The following COLEC10 variants were observed in gnomAD, a reference collection of about 807,000 sequenced individuals.
COLEC10 encodes the protein collectin-10.
COLEC10 carries 22 observed loss-of-function variants against 28.4 expected under a neutral mutation model. The observed-to-expected ratio is 0.78, with a 90% CI of 0.55 to 1.11. The LOEUF is 1.11. Among genes scored for constraint, COLEC10 ranks in the 50% least tolerant of loss-of-function variants. COLEC10 has a pLI of 0.00. For synonymous variants in COLEC10, 125 were observed against 116.1 expected, an observed-to-expected ratio of 1.08 and a Z score of -0.49; for missense variants, 361 against 344.1, an observed-to-expected ratio of 1.05 and a Z score of -0.39.
chr8:119,091,310 G>A (rs1309437581), intron 3 of COLEC10, 90 bp downstream of exon 3: 1 of 918,380 alleles, frequency 1.1e-6, no homozygotes, highest in African/African-American at 1.7e-5. Context: ...AACACTCAGA[G>A]ACCGAGGTGG....
At chr8:118,973,184 C>T in the COLEC10 span, among the ~76,000 whole-genome samples, 1 of 151,994 alleles carries the variant, frequency 6.6e-6, no homozygotes, top group Non-Finnish European at 1.5e-5. Flanking sequence ...CCTAACTGTT[C>T]TCTCAGCTTC....
intron 2 of COLEC10, among the ~76,000 whole-genome samples, chr8:119,031,536 GAA>G (rs1814287882): frequency 1.3e-5 from 2 of 152,208 alleles, no homozygotes; most frequent in Non-Finnish European, 2.9e-5. Context: ...ATAGTGTCAT[GAA>G]AACAGAATTG....
intron 2 of COLEC10, among the ~76,000 whole-genome samples, chr8:119,061,749 C>T (rs80039018): frequency 0.028 from 4,301 of 151,376 alleles, 134 homozygotes; most frequent in East Asian, 0.18. Flanking sequence ...AAGGATGAAA[C>T]CAAGAAAAAA....
At chr8:119,104,909 A>T (rs1815907546) in intron 5 of COLEC10, among the ~76,000 whole-genome samples, 1 of 152,156 alleles carries the variant, frequency 6.6e-6, no homozygotes, top group Non-Finnish European at 1.5e-5. Context: ...TATGGATCCT[A>T]AAATGCCTAT....
chr8:119,065,073 C>T (rs780269603), upstream of COLEC10, among the ~76,000 whole-genome samples: 1 of 152,130 alleles, frequency 6.6e-6, no homozygotes, highest in African/African-American at 2.4e-5. Flanking sequence ...GTGTTCCTCC[C>T]ACCTCAAAAT....
At chr8:119,028,367 A>G (rs1407272017) in intron 2 of COLEC10, among the ~76,000 whole-genome samples, 1 of 152,220 alleles carries the variant, frequency 6.6e-6, no homozygotes, top group African/African-American at 2.4e-5. Context: ...GCTGCTTATA[A>G]AGACATACCC....
chr8:119,059,980 G>T (rs1400247131), intron 2 of COLEC10, among the ~76,000 whole-genome samples: 1 of 152,022 alleles, frequency 6.6e-6, no homozygotes, highest in African/African-American at 2.4e-5. Flanking sequence ...CATAGTCATG[G>T]CTGAAACTTC....
intron 2 of COLEC10, among the ~76,000 whole-genome samples, chr8:119,049,401 CTTTTTTTTTT>C (rs34885340): frequency 1.4e-3 from 84 of 60,078 alleles, no homozygotes; most frequent in African/African-American, 5.5e-3. Flanking sequence ...ATTTTCTTTT[CTTTTTTTTTT>C]TTTTTTTTTT....
intron 2 of COLEC10, among the ~76,000 whole-genome samples, chr8:119,016,270 C>T (rs1442764561): frequency 3.3e-5 from 5 of 152,088 alleles, no homozygotes; most frequent in Non-Finnish European, 7.4e-5. Context: ...TAAGTAAGAA[C>T]ATGCAGTGTT....
intron 2 of COLEC10, among the ~76,000 whole-genome samples, chr8:119,057,727 C>T (rs941873543): frequency 3.9e-5 from 6 of 152,138 alleles, no homozygotes; most frequent in Admixed American, 6.6e-5. Flanking sequence ...CATTCAAGCT[C>T]AAATTCCCAT....
At chr8:119,049,226 T>C (rs1393482243) in intron 2 of COLEC10, among the ~76,000 whole-genome samples, 1 of 152,104 alleles carries the variant, frequency 6.6e-6, no homozygotes, top group Non-Finnish European at 1.5e-5. Context: ...CGGGTTTCCC[T>C]CTGTACATGA....
At chr8:118,986,280 A>G in the COLEC10 span, among the ~76,000 whole-genome samples, 1 of 152,170 alleles carries the variant, frequency 6.6e-6, no homozygotes, top group Non-Finnish European at 1.5e-5. Context: ...GGAAATTCAA[A>G]ATCTGGCCCT....
chr8:119,010,957 C>A (rs750779905), intron 2 of COLEC10, among the ~76,000 whole-genome samples: 2 of 150,950 alleles, frequency 1.3e-5, no homozygotes, highest in Non-Finnish European at 1.5e-5. Flanking sequence ...TTTCAATTCT[C>A]TTGCTAGTGT....
At chr8:118,998,844 C>G (rs1156234612) in intron 1 of COLEC10, among the ~76,000 whole-genome samples, 2 of 26,246 alleles carry the variant, frequency 7.6e-5, no homozygotes, top group African/African-American at 4.6e-4. Context: ...GAGACTCCGT[C>G]TCAAAAAAAA....
Position 119,067,326 on chromosome 8 carries a change from C to T in COLEC10, c.45C>T (p.Leu15=), listed in dbSNP as rs956708355. The change falls in exon 1 of 6, where the codon CTC becomes CTT. Residue 15 remains leucine, a synonymous_variant. Transcript: ENST00000332843. The part of the protein sequence containing the change: ...ASLLRRNQFI[L]LVLFLLQIQS... ...TGCTTCGAAGAAACCAATTTATCCT[C>T]CTGGTACTATTTCTTTTGCAAATTC... The T allele has an allele frequency of 3.1e-6, 5 of 1,613,912 alleles. No individual in the cohort carries two copies. In the African/African-American group the frequency reaches 6.7e-5, roughly 22 times the overall value.
chr8:119,050,663 A>G (rs1033434359), intron 2 of COLEC10, among the ~76,000 whole-genome samples: 1 of 152,238 alleles, frequency 6.6e-6, no homozygotes, highest in African/African-American at 2.4e-5. Context: ...TGTGGAAAAA[A>G]TGTATATTTT....
At chr8:119,014,310 C>T (rs1813950814) in intron 2 of COLEC10, among the ~76,000 whole-genome samples, 1 of 150,028 alleles carries the variant, frequency 6.7e-6, no homozygotes, top group Non-Finnish European at 1.5e-5. Context: ...CTTTATTTCT[C>T]CTTCACTTTT....
chr8:119,042,250 G>A (rs570729079), intron 2 of COLEC10, among the ~76,000 whole-genome samples: 4 of 151,912 alleles, frequency 2.6e-5, no homozygotes, highest in South Asian at 2.1e-4. Flanking sequence ...TTCCCGTTTC[G>A]GCCTCCCAAA....
chr8:118,998,445 G>A (rs1417256943), intron 1 of COLEC10, among the ~76,000 whole-genome samples: 3 of 152,114 alleles, frequency 2.0e-5, no homozygotes, highest in Non-Finnish European at 4.4e-5. Context: ...CAAATAAAAA[G>A]CATGATCACT....
Sources: gnomAD v4.1 joint callset for allele counts (sites outside exome capture counted in the v4.1 genomes callset) on GRCh38, gnomAD v4.1.1 for gene constraint, MANE v1.5 for transcripts, NCBI Gene and HGNC (gene_info 2026-07-23, HGNC 2026-07-21) for gene names.